The following GNG8 variants were observed in gnomAD, a reference collection of about 807,000 sequenced individuals.
GNG8 encodes guanine nucleotide-binding protein G(I)/G(S)/G(O) subunit gamma-8.
Under a neutral mutation model 4.6 loss-of-function variants are expected in GNG8, and 3 were observed. The observed-to-expected ratio is 0.65, with a 90% confidence interval of 0.29 to 1.67. The LOEUF (loss-of-function observed/expected upper bound fraction) is 1.67, where lower values mean the gene tolerates loss of function less well. GNG8 is among the 40% of genes most tolerant of loss of function. The probability of loss-of-function intolerance (pLI) is 0.10; values close to 1 mark genes in which losing one functional copy is unlikely to be tolerated. For missense variants in GNG8, 88 were observed against 95.2 expected (o/e 0.92, Z 0.32); for synonymous variants, 32 against 40.5 (o/e 0.79, Z 0.80).
intron 1 of GNG8, 44 bp from the exon 2 acceptor site, chr19:46,634,769 C>G: frequency 9.4e-7 from 1 of 1,067,534 alleles, no homozygotes; most frequent in Admixed American, 2.0e-5. Flanking sequence ...GAGGTGGGGG[C>G]GAGAGGGCGG....
At chr19:46,637,612 C>T (rs150900666), upstream of GNG8, 1 of 152,452 alleles carries the variant, frequency 6.6e-6, no homozygotes, top group Non-Finnish European at 1.5e-5. Flanking sequence ...GACAAGGTCT[C>T]TCTCTCTGTC....
intron 1 of GNG8, among the ~76,000 whole-genome samples, chr19:46,635,859 G>T (rs541775799): frequency 6.8e-6 from 1 of 147,748 alleles, no homozygotes. Flanking sequence ...ATGGAGGAAG[G>T]GGGGAGGGAG....
chr19:46,634,405 C>T (rs2052849744), intron 2 of GNG8, among the ~76,000 whole-genome samples, 194 bp downstream of exon 2: 1 of 137,268 alleles, frequency 7.3e-6, no homozygotes, highest in Non-Finnish European at 1.6e-5. Flanking sequence ...CCTGCCCCAT[C>T]CCTCCCCTCG....
At chr19:46,636,662 C>G (rs1242392320), upstream of GNG8, 2 of 152,766 alleles carry the variant, frequency 1.3e-5, no homozygotes, top group Non-Finnish European at 2.9e-5. Context: ...ACGGTTGCCC[C>G]AAATGCCACA....
chr19:46,634,776 G>A (rs888632286), intron 1 of GNG8, 51 bp from the exon 2 acceptor site: 4 of 975,942 alleles, frequency 4.1e-6, no homozygotes, highest in African/African-American at 3.2e-5. Context: ...GGGCGAGAGG[G>A]CGGGCCCCGG....
At chr19:46,635,179 G>A (rs1254112165) in intron 1 of GNG8, among the ~76,000 whole-genome samples, 3 of 151,830 alleles carry the variant, frequency 2.0e-5, no homozygotes, top group African/African-American at 7.3e-5. Context: ...CCACCCTCAG[G>A]GAGCCCCCCC....
At position 46,634,699 on chromosome 19, in the gene GNG8, G is replaced by C. The variant is rs1295647631; in HGVS notation, c.-17C>G. ...GTTGGACATGGTTGCGGCGGGGAAG[G>C]GGTTAAAAGACGCGCGGGAGTGGGG... On this transcript the variant is annotated 5_prime_UTR_variant, in exon 2 of 3. Coordinates refer to ENST00000693335, the MANE Select transcript of GNG8 (RefSeq NM_033258.2). 6.2e-7 allele frequency: 1 copy of C among 1,611,318 alleles called. No individual in the cohort carries two copies. The highest frequency in any genetic ancestry group is 2.2e-5 in the East Asian group (1 of 44,842).
At chr19:46,634,984 C>A (rs2052855731) in intron 1 of GNG8, among the ~76,000 whole-genome samples, 1 of 151,986 alleles carries the variant, frequency 6.6e-6, no homozygotes, top group Middle Eastern at 3.2e-3. Flanking sequence ...GACAGAAGGA[C>A]AGGGCCACAG....
intron 2 of GNG8, 27 bp downstream of exon 2, chr19:46,634,572 G>A: frequency 1.4e-6 from 2 of 1,437,326 alleles, no homozygotes; most frequent in East Asian, 2.3e-5. Context: ...CAGAACCCCC[G>A]CCCTATTCCC....
chr19:46,635,097 G>T (rs2052856731), intron 1 of GNG8, among the ~76,000 whole-genome samples: 1 of 152,088 alleles, frequency 6.6e-6, no homozygotes, highest in Admixed American at 6.5e-5. Context: ...AGGGAGAACT[G>T]GGAATTAAGA....
At chr19:46,638,496 C>T (rs1435793726), upstream of GNG8, 2 of 153,254 alleles carry the variant, frequency 1.3e-5, no homozygotes, top group East Asian at 1.9e-4. This position sits in a 1 kb window ranked among gnomAD's most constrained non-coding sequence, Gnocchi z 4.7. Flanking sequence ...TTCCTGGCGT[C>T]GTACACCATC....
intron 1 of GNG8, among the ~76,000 whole-genome samples, chr19:46,635,352 C>A (rs1305971961): frequency 6.8e-6 from 1 of 148,140 alleles, no homozygotes; most frequent in Non-Finnish European, 1.5e-5. Context: ...GAGACTGAGG[C>A]ACGGGAGAAA....
intron 2 of GNG8, 21 bp from the exon 3 acceptor site, chr19:46,634,225 A>G (rs1599779605): frequency 1.0e-6 from 1 of 954,158 alleles, no homozygotes; most frequent in Admixed American, 2.5e-5. Flanking sequence ...CCGGGTGGAG[A>G]TGTCACCGCC....
At chr19:46,636,866 A>T (rs113870944), upstream of GNG8, 21,733 of 144,078 alleles carry the variant, frequency 0.15, 1,900 homozygotes, top group East Asian at 0.33. Context: ...ATCTCAGCTC[A>T]CTGCAACCTC....
At chr19:46,634,466 T>A in intron 2 of GNG8, 133 bp downstream of exon 2, 1 of 424,776 alleles carries the variant, frequency 2.4e-6, no homozygotes, top group Non-Finnish European at 3.9e-6. Flanking sequence ...CCCCTCCTCC[T>A]GCCCTGCCCC....
chr19:46,637,853 C>T (rs2052878525), upstream of GNG8: 1 of 153,016 alleles, frequency 6.5e-6, no homozygotes, highest in African/African-American at 2.4e-5. Flanking sequence ...GATCCTCCCG[C>T]CTCAGCCACC....
chr19:46,635,107 A>G (rs1344753207), intron 1 of GNG8, among the ~76,000 whole-genome samples: 1 of 152,026 alleles, frequency 6.6e-6, no homozygotes, highest in East Asian at 2.0e-4. Flanking sequence ...GGGAATTAAG[A>G]TCGCGGCGGG....
upstream of GNG8, chr19:46,638,351 C>T (rs1256260287): frequency 1.3e-5 from 2 of 153,078 alleles, no homozygotes; most frequent in African/African-American, 2.4e-5. The surrounding 1 kb of genome is among the most constrained non-coding windows in gnomAD (Gnocchi z 4.7). Context: ...CGCACATAAT[C>T]TCATATCAAT....
chr19:46,634,453 T>TGGCCCCTCCTCCTGCCCTGCCC, intron 2 of GNG8, 146 bp downstream of exon 2: 3 of 372,030 alleles, frequency 8.1e-6, no homozygotes, highest in Non-Finnish European at 9.6e-6. Context: ...CCCCTCGTCC[T>TGGCCCCTCCTCCTGCCCTGCCC]GGCCCCTCCT....
Sources: allele counts gnomAD v4.1 joint callset (sites outside exome capture counted in the v4.1 genomes callset), GRCh38; gene constraint gnomAD v4.1.1; non-coding constraint Gnocchi (gnomAD v3.1); transcripts MANE v1.5; gene names NCBI Gene and HGNC (gene_info 2026-07-23, HGNC 2026-07-21).